The following RNPEP variants were observed in gnomAD, a reference collection of about 807,000 sequenced individuals.
RNPEP encodes arginyl aminopeptidase.
A neutral mutation model predicts 70.1 loss-of-function variants in RNPEP; 57 were observed. That is an observed-to-expected ratio of 0.81 (90% CI 0.66 to 1.01). The LOEUF (loss-of-function observed/expected upper bound fraction) is 1.01. Among genes scored for constraint, RNPEP ranks in the 50% least tolerant of loss-of-function variants. RNPEP has a pLI of 0.00. For synonymous variants in RNPEP, 335 were observed against 357.4 expected (o/e 0.94, Z 0.71); for missense variants, 787 against 852.4 (o/e 0.92, Z 0.96).
At chr1:201,985,640 T>A (rs6702229) in intron 1 of RNPEP, among the ~76,000 whole-genome samples, 38,931 of 152,080 alleles carry the variant, frequency 0.26, 5,402 homozygotes, top group Non-Finnish European at 0.32. Flanking sequence ...CCCCTCTTGC[T>A]ACCATTTTGC....
chr1:201,995,425 A>G (rs6427926), intron 3 of RNPEP, among the ~76,000 whole-genome samples: 149,444 of 152,256 alleles, frequency 0.98, 73,403 homozygotes, highest in East Asian at 1. Flanking sequence ...GCTCATGCCT[A>G]TAATCCCAGC....
At chr1:201,993,471 C>G (rs1264046842) in intron 3 of RNPEP, among the ~76,000 whole-genome samples, 1 of 152,128 alleles carries the variant, frequency 6.6e-6, no homozygotes, top group Non-Finnish European at 1.5e-5. Flanking sequence ...GTGGTGCACA[C>G]CTATAATCCC....
chr1:202,000,159 C>T (rs1330245148), intron 6 of RNPEP, 144 bp downstream of exon 6: 9 of 625,752 alleles, frequency 1.4e-5, no homozygotes, highest in Admixed American at 2.9e-5. Context: ...GTAGCCAATT[C>T]TCTGGCCCCT....
intron 1 of RNPEP, chr1:201,983,429 A>G: frequency 2.0e-6 from 3 of 1,463,530 alleles, no homozygotes; most frequent in Non-Finnish European, 2.8e-6. Context: ...CTCATCGCAC[A>G]CTGCCGTTTC....
rs1683243350 is a variant in RNPEP, at chr1:201,989,438, C to T, written c.644C>T (p.Pro215Leu). Residue 215 changes from proline (P) to leucine (L), a missense_variant, in exon 3 of 11, where the codon CCA (proline) becomes CTA (leucine). By Grantham distance (98) the Pro-to-Leu change is moderately conservative. Transcript: ENST00000295640. Reference protein sequence around the residue: ...MSASTWEKRGPNKFFFQMCQP... With the variant: ...MSASTWEKRGLNKFFFQMCQP... ...GCTAGCACCTGGGAGAAGAGAGGTC[C>T]AAATAAGTTCTTCTTCCAGATGTGT... The T allele has an allele frequency of 6.2e-7, 1 of 1,614,054 alleles. No individual in the cohort carries two copies. The highest frequency in any genetic ancestry group is 8.5e-7 in the Non-Finnish European group (1 of 1,180,034).
Position 201,989,522 on chromosome 1 carries a change from T to C in RNPEP, c.728T>C (p.Val243Ala). Residue 243 changes from valine (V) to alanine (A), a missense_variant, in exon 3 of 11, where the codon GTT (valine) becomes GCT (alanine). Val to Ala is a moderately conservative substitution (Grantham distance 64). Coordinates refer to ENST00000295640, the MANE Select transcript of RNPEP (RefSeq NM_020216.4). ...LAIGDLVSAE[V>A]GPRSRVWAEP... ...ATCGGAGATCTGGTTTCGGCTGAAGTTGGACCCAGGTAGGAGACAAAGACC... is the reference window on the plus strand; with the variant it reads ...ATCGGAGATCTGGTTTCGGCTGAAGCTGGACCCAGGTAGGAGACAAAGACC... The C allele has an allele frequency of 6.2e-7, 1 of 1,614,106 alleles. No homozygotes were observed. Among genetic ancestry groups the C allele is most frequent in the African/African-American group, 1.3e-5 (1 of 75,028 alleles).
intron 6 of RNPEP, chr1:202,001,172 A>G (rs1683786531): frequency 3.5e-6 from 2 of 574,032 alleles, no homozygotes; most frequent in African/African-American, 3.8e-5. Context: ...TGAGATAGAG[A>G]TCTTAAGAGA....
At chr1:202,004,570 G>A (rs1457926619) in intron 10 of RNPEP, 74 bp downstream of exon 10, 3 of 1,567,784 alleles carry the variant, frequency 1.9e-6, no homozygotes, top group African/African-American at 2.7e-5. Flanking sequence ...TAATCATGTG[G>A]GCAGGGCTCA....
Position 202,005,942 on chromosome 1 carries a change from C to A in RNPEP, c.*226C>A. On this transcript the variant is annotated 3_prime_UTR_variant, in exon 11 of 11. Coordinates refer to ENST00000295640, the MANE Select transcript of RNPEP (RefSeq NM_020216.4). ...ACAGAGAACCTGCCCACAGCTCTCC[C>A]CGCTACAGGCTGCAGGCACTGCAGG... is the stretch of plus-strand genomic sequence containing the variant. 1.8e-6 allele frequency: 1 copy of A among 550,462 alleles called. No individual in the cohort carries two copies. The highest frequency in any genetic ancestry group is 3.2e-6 in the Non-Finnish European group (1 of 310,162). The allele number at this position is 550,462 out of a possible 1,614,324, so 34.1% of individuals were successfully genotyped here. A position where few individuals can be genotyped will look rare whatever the true frequency, so the allele number is the denominator to read the frequency against.
At chr1:201,988,812 T>G (rs1025132009) in intron 1 of RNPEP, 92 bp from the exon 2 acceptor site, 4 of 1,467,194 alleles carry the variant, frequency 2.7e-6, no homozygotes. Context: ...AAGGATTACC[T>G]AAAATTCTCT....
intron 10 of RNPEP, 56 bp downstream of exon 10, chr1:202,004,552 A>T: frequency 6.3e-7 from 1 of 1,595,794 alleles, no homozygotes; most frequent in Non-Finnish European, 8.5e-7. Context: ...ACTCGGCCAT[A>T]TGTGAAGTAA....
chr1:202,003,340 A>G lies in RNPEP; in HGVS notation c.1530A>G (p.Gln510=), dbSNP rs1211688712. The G allele has an allele frequency of 1.5e-5, 24 of 1,614,062 alleles. No homozygotes were observed. The highest frequency in any genetic ancestry group is 2.0e-5 in the Non-Finnish European group (24 of 1,180,036). Residue 510 remains glutamine, a synonymous_variant, in exon 9 of 11, where the codon CAA becomes CAG. Coordinates refer to ENST00000295640, the MANE Select transcript of RNPEP (RefSeq NM_020216.4). The part of the protein sequence containing the change: ...SLMKPAEELA[Q]LWAAEELDMK... ...TGAAGCCTGCTGAAGAGCTAGCCCA[A>G]CTGTGGGCAGCCGAGGAGCTGGACA...
At chr1:201,989,692 G>A (rs1230367117) in intron 3 of RNPEP, among the ~76,000 whole-genome samples, 161 bp downstream of exon 3, 1 of 152,118 alleles carries the variant, frequency 6.6e-6, no homozygotes, top group Non-Finnish European at 1.5e-5. Flanking sequence ...GCTGGAGGAA[G>A]TGCTCTTTTT....
At chr1:202,003,501 G>C (rs1436649658) in intron 9 of RNPEP, 40 bp downstream of exon 9, 1 of 1,429,220 alleles carries the variant, frequency 7.0e-7, no homozygotes, top group Admixed American at 1.8e-5. Flanking sequence ...TGTGTGCACA[G>C]CTTTATGTCA....
intron 1 of RNPEP, among the ~76,000 whole-genome samples, chr1:201,984,630 A>G (rs1437654162): frequency 6.6e-6 from 1 of 151,760 alleles, no homozygotes; most frequent in African/African-American, 2.4e-5. Flanking sequence ...AACAACAAAA[A>G]AGCAAAGATG....
chr1:201,986,801 A>G (rs935915434), intron 1 of RNPEP, among the ~76,000 whole-genome samples: 1 of 151,794 alleles, frequency 6.6e-6, no homozygotes, highest in Non-Finnish European at 1.5e-5. Context: ...CGGCCTCCCA[A>G]AGTGCTGGGA....
At chr1:202,000,547 A>G (rs912343654) in intron 6 of RNPEP, among the ~76,000 whole-genome samples, 4 of 152,164 alleles carry the variant, frequency 2.6e-5, no homozygotes, top group African/African-American at 9.7e-5. Flanking sequence ...ATGTTCCTTG[A>G]TGCCGTTAAG....
At chr1:202,003,670 G>A (rs1401735036) in intron 9 of RNPEP, among the ~76,000 whole-genome samples, 1 of 152,154 alleles carries the variant, frequency 6.6e-6, no homozygotes, top group Admixed American at 6.5e-5. Context: ...CACAAGGAAT[G>A]TGCCATCGGG....
chr1:201,999,998 G>T lies in RNPEP; in HGVS notation c.1187G>T (p.Arg396Leu), dbSNP rs527362641. ...TGEENPLNKL[R>L]VKIEPGVDPD... ...GAGGAAAACCCACTCAACAAGCTCC[G>T]CGTGAAGATTGAACCAGGTCCAGGA... Residue 396 changes from arginine (R) to leucine (L), a missense_variant, in exon 6 of 11, where the codon CGC becomes CTC. By Grantham distance (102) the Arg-to-Leu change is moderately radical. Coordinates refer to ENST00000295640, the MANE Select transcript of RNPEP (RefSeq NM_020216.4). 3 of 1,613,460 alleles carry T rather than the reference G, an allele frequency of 1.9e-6. No homozygotes were observed. The highest frequency in any genetic ancestry group is 1.7e-6 in the Non-Finnish European group (2 of 1,179,678).
Sources: allele counts gnomAD v4.1 joint callset (sites outside exome capture counted in the v4.1 genomes callset), GRCh38; gene constraint gnomAD v4.1.1; transcripts MANE v1.5; gene names NCBI Gene and HGNC (gene_info 2026-07-23, HGNC 2026-07-21).